Variants in CRTC2 observed in about 807,000 individuals in gnomAD.
CRTC2 encodes the protein CREB regulated transcription coactivator 2, also known as CREB-regulated transcription coactivator 2.
Under a neutral mutation model 70.9 loss-of-function variants are expected in CRTC2, and 25 were observed. The observed-to-expected ratio is 0.35, with a 90% CI of 0.26 to 0.49. The LOEUF is 0.49. Ranked by LOEUF, CRTC2 falls within the 20% of genes least tolerant of loss-of-function variation. CRTC2 has a pLI of 0.98. For missense variants in CRTC2, 737 were observed against 882.6 expected (o/e 0.83, Z 2.09); for synonymous variants, 330 against 364.1 (o/e 0.91, Z 1.07).
chr1:153,952,377 C>T lies in CRTC2; in HGVS notation c.752+20G>A, dbSNP rs1399594592. The T allele has an allele frequency of 1.9e-6, 3 of 1,613,470 alleles. No individual in the cohort carries two copies. The highest frequency in any genetic ancestry group is 2.5e-6 in the Non-Finnish European group (3 of 1,179,674). On this transcript the variant is annotated intron_variant, in intron 9 of 13. Transcript: ENST00000368633. ...GTACTTCCTTCCCCCACCTCTCAGC[C>T]AACCTCAGGGAGTACTTACTTAATT...
At chr1:153,951,838 A>G (rs1402155839) in intron 10 of CRTC2, 172 bp from the exon 11 acceptor site, 1 of 1,076,576 alleles carries the variant, frequency 9.3e-7, no homozygotes, top group Non-Finnish European at 1.3e-6. Context: ...TCTTCTTTCT[A>G]GGAAACACCA....
At chr1:153,953,177 C>T (rs1360857172) in intron 6 of CRTC2, 89 bp downstream of exon 6, 6 of 662,636 alleles carry the variant, frequency 9.1e-6, no homozygotes, top group South Asian at 7.4e-5. Context: ...AGTGAGACTC[C>T]GTCTCAAAAA....
chr1:153,957,782 A>G (rs1680702212), intron 1 of CRTC2, among the ~76,000 whole-genome samples: 1 of 152,170 alleles, frequency 6.6e-6, no homozygotes. Flanking sequence ...ACGTCAGGAA[A>G]CCACAAGAAG....
At chr1:153,951,788 C>G in intron 10 of CRTC2, 122 bp from the exon 11 acceptor site, 1 of 1,145,208 alleles carries the variant, frequency 8.7e-7, no homozygotes, top group Non-Finnish European at 1.2e-6. Flanking sequence ...CCTCCCTACT[C>G]TATCCCTGAC....
chr1:153,952,607 A>G lies in CRTC2; in HGVS notation c.666T>C (p.Asp222=). 1.9e-6 allele frequency: 3 copies of G among 1,614,234 alleles called. No homozygotes were observed. Among genetic ancestry groups the G allele is most frequent in the Non-Finnish European group, 1.7e-6 (2 of 1,180,044 alleles). The change falls in exon 8 of 14, where the codon GAT becomes GAC. Residue 222 remains aspartate, a synonymous_variant. Transcript: ENST00000368633. ...KVPAIEENLL[D]DKHLLKPWDA... is the part of the protein sequence containing the mutation. ...CCCATGGCTTCAGCAAATGCTTGTC[A>G]TCTAGCAAGTTCTCCTCAATAGCAG...
chr1:153,949,136 C>T lies in CRTC2; in HGVS notation c.1653G>A (p.Met551Ile). 6.2e-7 allele frequency: 1 copy of T among 1,610,252 alleles called. No individual in the cohort carries two copies. Among genetic ancestry groups the T allele is most frequent in the Non-Finnish European group, 8.5e-7 (1 of 1,177,866 alleles). Residue 551 changes from methionine (M) to isoleucine (I), a missense_variant, in exon 12 of 14, where the codon ATG (methionine) becomes ATA (isoleucine). This residue lies in a region of CRTC2 where 699 missense variants were observed against 823.7 expected (regional missense o/e 0.85). Transcript: ENST00000368633. Reference protein sequence around the residue: ...GHGQQSYHRPMSDFNLGNLEQ... With the variant: ...GHGQQSYHRPISDFNLGNLEQ... ...TCACATTCCCCAGGTTGAAGTCACT[C>T]ATTGGCCGGTGGTAAGACTGTTGCC...
At position 153,948,260 on chromosome 1, in the gene CRTC2, G is replaced by A; in HGVS notation, c.1931C>T (p.Ser644Leu). 1 of 1,614,268 alleles carries A rather than the reference G, an allele frequency of 6.2e-7. No homozygotes were observed. The highest frequency in any genetic ancestry group is 8.5e-7 in the Non-Finnish European group (1 of 1,180,046). ...AAGCCCTAGCTCCAATCCAGCTGCT[G>A]ACACCTCAAAGCCAGGCACTCCGGC... ...ALAGVPGFEV[S>L]AAGLELGLGL... is the part of the protein sequence containing the mutation. The change falls in exon 14 of 14, where the codon TCA becomes TTA. Residue 644 changes from serine to leucine, a missense_variant. Physicochemically the swap from Ser to Leu is moderately radical, Grantham distance 145. This residue lies in a region of CRTC2 where 699 missense variants were observed against 823.7 expected (regional missense o/e 0.85). Coordinates refer to ENST00000368633, the MANE Select transcript of CRTC2 (RefSeq NM_181715.3).
chr1:153,948,204 G>A lies in CRTC2; in HGVS notation c.1987C>T (p.Leu663=). The change falls in exon 14 of 14, where the codon CTG becomes TTG. Residue 663 remains leucine, a synonymous_variant. Coordinates refer to ENST00000368633, the MANE Select transcript of CRTC2 (RefSeq NM_181715.3). The part of the protein sequence containing the change: ...GLEDELRMEP[L]GLEGLNMLSD... ...AGCATGTTTAGCCCTTCCAGGCCCA[G>A]TGGCTCCATGCGCAGCTCATCTTCT... 6.2e-7 allele frequency: 1 copy of A among 1,614,266 alleles called. No individual in the cohort carries two copies. Among genetic ancestry groups the A allele is most frequent in the Non-Finnish European group, 8.5e-7 (1 of 1,180,046 alleles).
Position 153,954,316 on chromosome 1 carries a change from T to C in CRTC2, c.373A>G (p.Ile125Val), listed in dbSNP as rs370449086. ...VSPLRRYTRH[I>V]DSSPYSPAYL... ...GCAGGACTATAGGGAGAGCTGTCAA[T>C]GTGAACAGCACCAGTTAAGGAAAAA... is the stretch of plus-strand genomic sequence containing the variant. Residue 125 changes from isoleucine to valine, a missense_variant and splice_region_variant, in exon 4 of 14, where the codon ATT becomes GTT. Physicochemically the swap from Ile to Val is conservative, Grantham distance 29. Around this residue, in one of 3 missense-constraint regions of CRTC2, gnomAD observed 699 missense variants for 823.7 expected, o/e 0.85. Coordinates refer to ENST00000368633, the MANE Select transcript of CRTC2 (RefSeq NM_181715.3). 9 of 1,609,858 alleles carry C rather than the reference T, an allele frequency of 5.6e-6. No individual in the cohort carries two copies. The highest frequency in any genetic ancestry group is 7.6e-6 in the Non-Finnish European group (9 of 1,177,074).
intron 1 of CRTC2, among the ~76,000 whole-genome samples, chr1:153,957,065 C>G (rs982205329): frequency 6.6e-6 from 1 of 152,162 alleles, no homozygotes; most frequent in African/African-American, 2.4e-5. Context: ...TAATAATCCT[C>G]ACAATGGTTA....
intron 1 of CRTC2, among the ~76,000 whole-genome samples, 166 bp from the exon 2 acceptor site, chr1:153,955,332 C>A (rs1680564473): frequency 2.0e-5 from 3 of 152,036 alleles, no homozygotes; most frequent in Admixed American, 2.0e-4. Context: ...CTTTGGGAGG[C>A]CGAGGCAGGC....
intron 3 of CRTC2, 38 bp downstream of exon 3, chr1:153,954,835 T>A (rs746262422): frequency 6.4e-7 from 1 of 1,568,838 alleles, no homozygotes; most frequent in East Asian, 2.3e-5. Flanking sequence ...CCCATCCCAC[T>A]ACCTTTCAGA....
intron 11 of CRTC2, among the ~76,000 whole-genome samples, chr1:153,950,116 G>A (rs544700630): frequency 1.3e-5 from 2 of 152,172 alleles, no homozygotes; most frequent in Admixed American, 6.5e-5. Flanking sequence ...ATTTGTTGTA[G>A]AGACTGGGTC....
intron 4 of CRTC2, 81 bp downstream of exon 4, chr1:153,954,174 A>T: frequency 9.5e-7 from 1 of 1,051,080 alleles, no homozygotes; most frequent in Non-Finnish European, 1.5e-6. Context: ...CAGTAATCCC[A>T]GCCCCAACCC....
chr1:153,954,971 A>G lies in CRTC2; in HGVS notation c.274T>C (p.Leu92=), dbSNP rs1195502347. ...AEFQSPLHSP[L]DSSRSTRHHG... is the part of the protein sequence containing the mutation. ...TGCCGAGTGCTCCGAGATGAATCCA[A>G]AGGTGAGTGGAGGGGGCTCTGCCAA... The change falls in exon 3 of 14, where the codon TTG becomes CTG. Residue 92 remains leucine, a synonymous_variant. Coordinates refer to ENST00000368633, the MANE Select transcript of CRTC2 (RefSeq NM_181715.3). The G allele has an allele frequency of 1.9e-6, 3 of 1,613,846 alleles. No individual in the cohort carries two copies. The highest frequency in any genetic ancestry group is 2.7e-5 in the African/African-American group (2 of 74,900).
Position 153,947,741 on chromosome 1 carries a change from TCTC to T in CRTC2, c.*365_*367del. On this transcript the variant is annotated 3_prime_UTR_variant, in exon 14 of 14. Coordinates refer to ENST00000368633, the MANE Select transcript of CRTC2 (RefSeq NM_181715.3). ...TAAAAAATAGTATCCACTCTGGCTC[TCTC>T]CTCCACTGCAAGGGGAAGAGTGGTG... The T allele has an allele frequency of 4.6e-6, 1 of 215,628 alleles. No homozygotes were observed. The highest frequency in any genetic ancestry group is 1.1e-4 in the East Asian group (1 of 9,236). 13.4% of individuals were successfully genotyped at this position (215,628 alleles called of 1,614,324 possible). A position where few individuals can be genotyped will look rare whatever the true frequency, so the allele number is the denominator to read the frequency against.
rs1432218426 is a variant in CRTC2 at position 153,951,935 on chromosome 1, A to G, written c.997+83T>C. The G allele has an allele frequency of 8.5e-6, 13 of 1,527,930 alleles. No individual in the cohort carries two copies. In the Admixed American group the frequency reaches 2.4e-4, roughly 28 times the overall value. The allele number at this position is 1,527,930 out of a possible 1,614,324, so 94.6% of individuals were successfully genotyped here. ...AGGCGGTGTGGGTGATCACAGCAGGATCTCAGGTGCTCAAACCTACCTCCC... is the reference window on the plus strand; with the variant it reads ...AGGCGGTGTGGGTGATCACAGCAGGGTCTCAGGTGCTCAAACCTACCTCCC... On this transcript the variant is annotated intron_variant, in intron 10 of 13. Coordinates refer to ENST00000368633, the MANE Select transcript of CRTC2 (RefSeq NM_181715.3).
chr1:153,948,128 C>A lies in CRTC2; in HGVS notation c.2063G>T (p.Arg688Leu). The change falls in exon 14 of 14, where the codon CGC (arginine) becomes CTC (leucine). Residue 688 changes from arginine to leucine, a missense_variant. Transcript: ENST00000368633. ...LPDPAVEESFRSDRLQ is the reference protein window; with the variant it reads ...LPDPAVEESFLSDRLQ Reference sequence around the variant, plus strand: ...GTGCCCTCATTGGAGCCGGTCACTGCGGAATGACTCCTCCACAGCAGGATC... The same window carrying A: ...GTGCCCTCATTGGAGCCGGTCACTGAGGAATGACTCCTCCACAGCAGGATC... 6.2e-7 allele frequency: 1 copy of A among 1,614,134 alleles called. No homozygotes were observed. The highest frequency in any genetic ancestry group is 8.5e-7 in the Non-Finnish European group (1 of 1,180,010).
chr1:153,958,152 G>A lies in CRTC2; in HGVS notation c.153+193C>T, dbSNP rs1438287503. 4.2e-6 allele frequency: 6 copies of A among 1,415,678 alleles called. No homozygotes were observed. The African/African-American group carries it at 7.4e-5, about 17-fold the overall frequency. The allele number at this position is 1,415,678 out of a possible 1,614,324, so 87.7% of individuals were successfully genotyped here. ...TCGCCTCTACACCCCGAACCTCTCC[G>A]GTGTTTCGGTCTCCCCCGGCAAAAT... is the stretch of plus-strand genomic sequence containing the variant. On this transcript the variant is annotated intron_variant, in intron 1 of 13. Transcript: ENST00000368633.
Sources: gnomAD v4.1 joint callset for allele counts (sites outside exome capture counted in the v4.1 genomes callset) on GRCh38, gnomAD v4.1.1 for gene constraint, gnomAD v4.1.1 regional missense constraint, MANE v1.5 for transcripts, NCBI Gene and HGNC (gene_info 2026-07-23, HGNC 2026-07-21) for gene names.